Variants in SBNO2 observed in about 807,000 individuals in gnomAD.
SBNO2 encodes strawberry notch homolog 2, also known as protein strawberry notch homolog 2.
A neutral mutation model predicts 146.3 loss-of-function variants in SBNO2; 89 were observed. The ratio of observed to expected loss-of-function variants is 0.61; its 90% CI spans 0.51 to 0.73. The LOEUF (loss-of-function observed/expected upper bound fraction) is 0.73, where lower values mean the gene tolerates loss of function less well. SBNO2 is among the 30% of genes least tolerant of loss of function. The pLI is 0.00. For synonymous variants in SBNO2, 1,147 were observed against 892.6 expected (o/e 1.29, Z -5.08); for missense variants, 2,092 against 2,003.7 (o/e 1.04, Z -0.84).
intron 13 of SBNO2, among the ~76,000 whole-genome samples, 172 bp downstream of exon 13, chr19:1,119,344 C>T (rs144944207): frequency 0.012 from 1,857 of 152,310 alleles, 16 homozygotes; most frequent in Middle Eastern, 0.024. Context: ...TGCGGAGGGG[C>T]TGGCTTCCCT....
At chr19:1,161,906 C>CGGGGGGGGGGGGGG (rs916715232) in intron 1 of SBNO2, among the ~76,000 whole-genome samples, 1 of 1,344 alleles carries the variant, frequency 7.4e-4, no homozygotes, top group Non-Finnish European at 1.6e-3. Context: ...TGGGGAGCCG[C>CGGGGGGGGGGGGGG]GGGGGGGGGG....
At chr19:1,123,665 G>T (rs1294467773) in intron 6 of SBNO2, 26 bp from the exon 7 acceptor site, 2 of 1,594,004 alleles carry the variant, frequency 1.3e-6, no homozygotes, top group Non-Finnish European at 1.7e-6. Flanking sequence ...GAGCTCAGCG[G>T]AGACTGCAGG....
At chr19:1,130,935 C>G in intron 4 of SBNO2, among the ~76,000 whole-genome samples, 1 of 152,180 alleles carries the variant, frequency 6.6e-6, no homozygotes, top group East Asian at 1.9e-4. Context: ...CATGAGCCCT[C>G]GAAGCCTTCA....
rs1479128859 is a variant in SBNO2, at chr19:1,140,910, C to T, written c.279+6399G>A. On this transcript the variant is annotated intron_variant, in intron 4 of 31. Coordinates refer to ENST00000361757, the MANE Select transcript of SBNO2 (RefSeq NM_014963.3). This position sits in a 1 kb window ranked among gnomAD's most constrained non-coding sequence, Gnocchi z 4.4. The stretch of plus-strand genomic sequence containing the variant: ...CAACGCCAGGCACTCCGGTCCACGC[C>T]GCACTGTACATGGTGCCGTCTGAGG... Among the ~76,000 whole-genome samples, 2 of 152,160 alleles carry T rather than the reference C, an allele frequency of 1.3e-5. No individual in the cohort carries two copies. The highest frequency in any genetic ancestry group is 6.5e-5 in the Admixed American group (1 of 15,280).
chr19:1,122,600 G>GCC, intron 9 of SBNO2, 42 bp from the exon 10 acceptor site: 1 of 479,710 alleles, frequency 2.1e-6, no homozygotes. Context: ...CTTCCCCCTC[G>GCC]CCCCCCGCTT....
At chr19:1,172,977 A>C (rs2080495551) in intron 1 of SBNO2, among the ~76,000 whole-genome samples, 2 of 132,748 alleles carry the variant, frequency 1.5e-5, no homozygotes, top group South Asian at 5.1e-4. Context: ...GGCCCCGGCT[A>C]CACATTTAAG....
intron 4 of SBNO2, among the ~76,000 whole-genome samples, chr19:1,132,562 T>A (rs1339963048): frequency 6.6e-6 from 1 of 152,186 alleles, no homozygotes; most frequent in Non-Finnish European, 1.5e-5. Flanking sequence ...CAGCTGCTGT[T>A]CCTGGTGCCC....
intron 5 of SBNO2, 147 bp downstream of exon 5, chr19:1,127,457 A>G (rs2079978158): frequency 2.6e-6 from 2 of 767,422 alleles, no homozygotes; most frequent in African/African-American, 1.7e-5. Flanking sequence ...CACCTCATCC[A>G]TGGCCACAGA....
At chr19:1,114,800 A>G (rs1227970271) in intron 17 of SBNO2, among the ~76,000 whole-genome samples, 3 of 151,478 alleles carry the variant, frequency 2.0e-5, no homozygotes, top group Admixed American at 6.6e-5. Context: ...ACGCCTGGCT[A>G]ATCTTTTGTA....
intron 5 of SBNO2, among the ~76,000 whole-genome samples, chr19:1,125,357 T>G (rs1329142625): frequency 1.5e-5 from 1 of 68,424 alleles, no homozygotes; most frequent in Non-Finnish European, 2.5e-5. Flanking sequence ...AGACTCCATC[T>G]CAAAAAAAAA....
At chr19:1,113,115 G>A (rs1388016895) in intron 19 of SBNO2, among the ~76,000 whole-genome samples, 166 bp from the exon 20 acceptor site, 2 of 152,190 alleles carry the variant, frequency 1.3e-5, no homozygotes, top group Admixed American at 6.5e-5. Flanking sequence ...GGACCCAGGC[G>A]ATGTGTGCCT....
rs959901530 is a variant in SBNO2, at chr19:1,122,729, G to A, written c.843C>T (p.Gly281=). The change falls in exon 9 of 32, where the codon GGC becomes GGT. Residue 281 remains glycine (G), a synonymous_variant. Coordinates refer to ENST00000361757, the MANE Select transcript of SBNO2 (RefSeq NM_014963.3). ...RAGFLIGDGA[G]VGKGRTVAGV... is the part of the protein sequence containing the mutation. ...CGGCCACCGTCCGGCCTTTGCCCAC[G>A]CCGGCCCCATCGCCGATGAGAAAGC... 1.3e-5 allele frequency: 20 copies of A among 1,536,880 alleles called. No individual in the cohort carries two copies. The highest frequency in any genetic ancestry group is 2.7e-5 in the African/African-American group (2 of 72,996).
chr19:1,132,055 C>T, intron 4 of SBNO2: 6 of 1,490,906 alleles, frequency 4.0e-6, no homozygotes, highest in South Asian at 1.3e-5. Flanking sequence ...CCCCTGCCCC[C>T]GAGGGCCTCG....
chr19:1,127,809 C>G, intron 4 of SBNO2, 44 bp from the exon 5 acceptor site: 2 of 1,588,576 alleles, frequency 1.3e-6, no homozygotes, highest in Middle Eastern at 1.7e-4. Flanking sequence ...ACGGGAGACA[C>G]CAAGGCCCCT....
At chr19:1,118,258 A>C (rs2079856403) in intron 14 of SBNO2, among the ~76,000 whole-genome samples, 2 of 151,818 alleles carry the variant, frequency 1.3e-5, no homozygotes, top group African/African-American at 2.4e-5. Context: ...GAATTGCTTG[A>C]ATCTGGTAGG....
At chr19:1,134,225 AGGACCTACAGCTCACG>A (rs2080064761) in intron 4 of SBNO2, among the ~76,000 whole-genome samples, 1 of 139,818 alleles carries the variant, frequency 7.2e-6, no homozygotes, top group Non-Finnish European at 1.6e-5. Context: ...CACAGCTCAC[AGGACCTACAGCTCACG>A]GGTGGACTCA....
chr19:1,166,946 G>A (rs2080431864), intron 1 of SBNO2, among the ~76,000 whole-genome samples: 1 of 152,232 alleles, frequency 6.6e-6, no homozygotes, highest in African/African-American at 2.4e-5. Flanking sequence ...GGGCTATGCT[G>A]ATCCCAGACA....
chr19:1,162,395 G>T (rs1376793424), intron 1 of SBNO2, among the ~76,000 whole-genome samples: 2 of 150,104 alleles, frequency 1.3e-5, no homozygotes, highest in East Asian at 4.0e-4. Flanking sequence ...GGGAGGCGGC[G>T]CTTGCAGTGA....
intron 4 of SBNO2, among the ~76,000 whole-genome samples, chr19:1,142,182 T>A (rs80216345): frequency 0.14 from 191 of 1,364 alleles, no homozygotes; most frequent in South Asian, 0.21. Flanking sequence ...TCCCTCCCCA[T>A]GATCAACCCT....
Sources: gnomAD v4.1 joint callset for allele counts (sites outside exome capture counted in the v4.1 genomes callset) on GRCh38, gnomAD v4.1.1 for gene constraint, Gnocchi (gnomAD v3.1) non-coding constraint, MANE v1.5 for transcripts, NCBI Gene and HGNC (gene_info 2026-07-23, HGNC 2026-07-21) for gene names.